EVC: variants seen among roughly 807,000 people sequenced by gnomAD.
EVC encodes the protein evC complex member EVC.
EVC carries 116 observed loss-of-function variants against 118.9 expected under a neutral mutation model. That is an observed-to-expected ratio of 0.98 (90% confidence interval 0.84 to 1.14). EVC has a LOEUF of 1.14. Ranked by LOEUF, EVC falls within the 50% of genes most tolerant of loss-of-function variation. EVC has a pLI of 0.00. For missense variants in EVC, 1,401 were observed against 1,246.4 expected (o/e 1.12, Z -1.87); for synonymous variants, 619 against 534.7 (o/e 1.16, Z -2.18).
In EVC at chr4:5,789,586, T is replaced by C. The variant is rs1712373852; in HGVS notation, c.1777-4022T>C. Among the ~76,000 whole-genome samples the C allele has an allele frequency of 6.6e-6, 1 of 152,184 alleles. No homozygotes were observed. The highest frequency in any genetic ancestry group is 1.5e-5 in the Non-Finnish European group (1 of 68,042). On this transcript the variant is annotated intron_variant, in intron 12 of 20. Coordinates refer to ENST00000264956, the MANE Select transcript of EVC (RefSeq NM_153717.3). The surrounding 1 kb of genome is among the most constrained non-coding windows in gnomAD (Gnocchi z 4.3). ...GGCATCAATCAATAGATCTTTCCCT[T>C]TCTCCCCATAATACATGAGAGTTTG...
intron 11 of EVC, among the ~76,000 whole-genome samples, chr4:5,772,529 C>T (rs1734143469): frequency 6.6e-6 from 1 of 151,994 alleles, no homozygotes; most frequent in African/African-American, 2.4e-5. Flanking sequence ...TCCTGTTGTT[C>T]TCAAGAAGAA....
At position 5,783,347 on chromosome 4, in the gene EVC, G is replaced by T. The variant is rs114987721; in HGVS notation, c.1564-205G>T. ...GTGTGTGCATGTGGGGGAGTTACTT[G>T]TCTGTGTGTACAAGTGTGTGTGCAT... On this transcript the variant is annotated intron_variant, in intron 11 of 20. Transcript: ENST00000264956. 7.1e-3 allele frequency among the ~76,000 whole-genome samples: 1,073 copies of T among 152,192 alleles called. 11 individuals carry two copies. The highest frequency in any genetic ancestry group is 0.024 in the African/African-American group (1,004 of 41,516).
intron 5 of EVC, among the ~76,000 whole-genome samples, chr4:5,740,482 A>AAAAAAG (rs917763980): frequency 1.3e-5 from 2 of 151,292 alleles, no homozygotes; most frequent in Non-Finnish European, 2.9e-5. Flanking sequence ...AAAAAAAAAA[A>AAAAAAG]AAAAAGAAAA....
At chr4:5,753,717 A>G (rs1577443479) in intron 9 of EVC, 68 bp from the exon 10 acceptor site, 2 of 1,601,110 alleles carry the variant, frequency 1.2e-6, no homozygotes, top group Non-Finnish European at 1.7e-6. Flanking sequence ...AGGAGAAAGC[A>G]TGAGGGTCCC....
intron 8 of EVC, among the ~76,000 whole-genome samples, chr4:5,752,119 G>C (rs1730464071): frequency 6.6e-6 from 1 of 152,076 alleles, no homozygotes; most frequent in South Asian, 2.1e-4. Context: ...GCCTAGGCCT[G>C]AGCTGGGCGT....
At chr4:5,714,281 GTTTTA>G (rs899044715) in intron 1 of EVC, among the ~76,000 whole-genome samples, 6 of 151,618 alleles carry the variant, frequency 4.0e-5, no homozygotes, top group Non-Finnish European at 7.4e-5. Context: ...TGCTGTTTTT[GTTTTA>G]TTTTGTTATT....
chr4:5,797,916 AT>A (rs1174009194), intron 14 of EVC, among the ~76,000 whole-genome samples: 1 of 152,190 alleles, frequency 6.6e-6, no homozygotes, highest in Non-Finnish European at 1.5e-5. Flanking sequence ...GAAAGAAATA[AT>A]TAGTAAGTTG....
chr4:5,752,626 C>T, intron 8 of EVC: 8 of 639,996 alleles, frequency 1.3e-5, no homozygotes, highest in East Asian at 2.7e-5. Context: ...TCAGCCTCCC[C>T]GCACCCTAGG....
chr4:5,783,836 A>C (rs1736022508), intron 12 of EVC, 72 bp downstream of exon 12: 99 of 1,369,868 alleles, frequency 7.2e-5, no homozygotes, highest in Non-Finnish European at 8.9e-5. Flanking sequence ...GAGAGATCTC[A>C]CGTCCTGAAC....
chr4:5,733,210 C>A, intron 4 of EVC, 141 bp from the exon 5 acceptor site: 1 of 748,714 alleles, frequency 1.3e-6, no homozygotes, highest in Non-Finnish European at 2.4e-6. Flanking sequence ...CTGGAGTGAG[C>A]GTAAGGACCT....
Position 5,738,421 on chromosome 4 carries a change from C to T in EVC, c.703-3295C>T, listed in dbSNP as rs144558459. 2.0e-5 allele frequency among the ~76,000 whole-genome samples: 3 copies of T among 152,184 alleles called. No homozygotes were observed. Among genetic ancestry groups the T allele is most frequent in the African/African-American group, 4.8e-5 (2 of 41,522 alleles). ...AGTTCTACTGTGGGCAAATTGCTAT[C>T]GAATAGCATGGCACGCTGCAGAGAA... is the stretch of plus-strand genomic sequence containing the variant. On this transcript the variant is annotated intron_variant, in intron 5 of 20. Coordinates refer to ENST00000264956, the MANE Select transcript of EVC (RefSeq NM_153717.3). The surrounding 1 kb of genome is among the most constrained non-coding windows in gnomAD (Gnocchi z 6.5).
intron 11 of EVC, among the ~76,000 whole-genome samples, chr4:5,761,813 C>T (rs1253310014): frequency 1.3e-5 from 2 of 151,762 alleles, no homozygotes; most frequent in African/African-American, 2.4e-5. Context: ...TCATCCCGAC[C>T]TTTACGGCAC....
intron 11 of EVC, among the ~76,000 whole-genome samples, chr4:5,760,323 G>C (rs1441299590): frequency 6.6e-6 from 1 of 152,046 alleles, no homozygotes; most frequent in Non-Finnish European, 1.5e-5. Context: ...TATGCATTTG[G>C]TTTTTCCCTG....
the EVC span, chr4:5,826,740 G>A: frequency 6.6e-6 from 1 of 152,480 alleles, no homozygotes; most frequent in African/African-American, 2.4e-5. Flanking sequence ...CCAACACGGG[G>A]CTTCATCCTC....
At chr4:5,720,478 A>G (rs1724762436) in intron 2 of EVC, among the ~76,000 whole-genome samples, 1 of 151,996 alleles carries the variant, frequency 6.6e-6, no homozygotes, top group Non-Finnish European at 1.5e-5. Flanking sequence ...CCCAACTTCT[A>G]GCCTCTGCTC....
At chr4:5,733,680 G>A (rs573865613) in intron 5 of EVC, among the ~76,000 whole-genome samples, 26 of 152,290 alleles carry the variant, frequency 1.7e-4, no homozygotes, top group African/African-American at 5.8e-4. Flanking sequence ...AGAAAGATGA[G>A]TGCCTCCTCC....
chr4:5,813,367 A>G lies in EVC; in HGVS notation c.*2330A>G, dbSNP rs780131044. On this transcript the variant is annotated 3_prime_UTR_variant, in exon 21 of 21. Transcript: ENST00000264956. The stretch of plus-strand genomic sequence containing the variant: ...CAGACGTGTGCCACCACGCCTGGCT[A>G]AATCTTTTTTGTATTTTATTTTAGT... 3.3e-5 allele frequency: 5 copies of G among 151,992 alleles called. No homozygotes were observed. Among genetic ancestry groups the G allele is most frequent in the Non-Finnish European group, 7.4e-5 (5 of 68,016 alleles). 9.4% of individuals were successfully genotyped at this position (151,992 alleles called of 1,614,324 possible).
downstream of EVC, among the ~76,000 whole-genome samples, chr4:5,816,089 C>A (rs1334771248): frequency 2.0e-5 from 3 of 152,092 alleles, no homozygotes; most frequent in Non-Finnish European, 2.9e-5. Context: ...ATTCTTAGCC[C>A]CATCCCAGAG....
In EVC at chr4:5,756,496, A is replaced by T; in HGVS notation, c.1563+134A>T. ...GCACTCATTGGCCGGTGATCCACGC[A>T]GGCTGTGTCCCCTCCATGCGATCCT... is the stretch of plus-strand genomic sequence containing the variant. On this transcript the variant is annotated intron_variant, in intron 11 of 20. Transcript: ENST00000264956. The surrounding 1 kb of genome is among the most constrained non-coding windows in gnomAD (Gnocchi z 4.2). 1.3e-6 allele frequency: 1 copy of T among 748,750 alleles called. No homozygotes were observed. Among genetic ancestry groups the T allele is most frequent in the Non-Finnish European group, 2.3e-6 (1 of 430,144 alleles). 46.4% of individuals were successfully genotyped at this position (748,750 alleles called of 1,614,324 possible). A position where few individuals can be genotyped will look rare whatever the true frequency, so the allele number is the denominator to read the frequency against.
Sources: gnomAD v4.1 joint callset for allele counts (sites outside exome capture counted in the v4.1 genomes callset) on GRCh38, gnomAD v4.1.1 for gene constraint, Gnocchi (gnomAD v3.1) non-coding constraint, MANE v1.5 for transcripts, NCBI Gene and HGNC (gene_info 2026-07-23, HGNC 2026-07-21) for gene names.